The following GOLGA3 variants were observed in gnomAD, a reference collection of about 807,000 sequenced individuals.
GOLGA3 encodes the protein golgin subfamily A member 3.
GOLGA3 carries 75 observed loss-of-function variants against 169.4 expected under a neutral mutation model. The ratio of observed to expected loss-of-function variants is 0.44; its 90% confidence interval spans 0.37 to 0.54. GOLGA3 has a LOEUF of 0.54. Among genes scored for constraint, GOLGA3 ranks in the 20% least tolerant of loss-of-function variants. The probability of loss-of-function intolerance (pLI) is 0.00; values close to 1 mark genes in which losing one functional copy is unlikely to be tolerated. For synonymous variants in GOLGA3, 824 were observed against 822.4 expected, an observed-to-expected ratio of 1.00 and a Z score of -0.03; for missense variants, 1,899 against 1,930.0, an observed-to-expected ratio of 0.98 and a Z score of 0.30.
rs1950243210 is a variant in GOLGA3 at position 132,822,020 on chromosome 12, G to A, written c.109C>T (p.Pro37Ser). 1.9e-6 allele frequency: 3 copies of A among 1,609,172 alleles called. No homozygotes were observed. The highest frequency in any genetic ancestry group is 1.3e-5 in the African/African-American group (1 of 74,578). The part of the protein sequence containing the change: ...PLKPPGPLVP[P>S]DQQDKVQCAE... ...CACTGGACTTTGTCCTGCTGGTCAG[G>A]TGGCACCAGTGGGCCCGGGGGCTTC... The change falls in exon 2 of 24, where the codon CCT becomes TCT. Residue 37 changes from proline (P) to serine (S), a missense_variant. Pro to Ser is a moderately conservative substitution (Grantham distance 74). Coordinates refer to ENST00000450791, the MANE Select transcript of GOLGA3 (RefSeq NM_001389683.1).
chr12:132,825,480 T>A (rs951193849), intron 1 of GOLGA3, among the ~76,000 whole-genome samples: 11 of 152,234 alleles, frequency 7.2e-5, no homozygotes, highest in Non-Finnish European at 2.9e-5. Flanking sequence ...CCGAATTAAA[T>A]CTTCAGTTCT....
At chr12:132,802,002 G>A (rs768738775) in intron 7 of GOLGA3, 33 bp from the exon 8 acceptor site, 2 of 1,569,442 alleles carry the variant, frequency 1.3e-6, no homozygotes, top group Non-Finnish European at 1.7e-6. Flanking sequence ...GCTCAGGCCA[G>A]CGACGGCCAA....
intron 2 of GOLGA3, among the ~76,000 whole-genome samples, chr12:132,819,465 C>T (rs1950122594): frequency 6.6e-6 from 1 of 152,102 alleles, no homozygotes; most frequent in South Asian, 2.1e-4. Flanking sequence ...CGAAGTGGAG[C>T]TTGCAGTAAG....
Position 132,769,307 on chromosome 12 carries a change from T to G in GOLGA3, c.*3798A>C, listed in dbSNP as rs1333294622. ...CGGTTCTCTCAGATTTGCTGGTCCC[T>G]CCCCTCCTAGAATCTTCACGTACAA... On this transcript the variant is annotated 3_prime_UTR_variant, in exon 24 of 24. Coordinates refer to ENST00000450791, the MANE Select transcript of GOLGA3 (RefSeq NM_001389683.1). The G allele has an allele frequency of 1.3e-5, 2 of 152,228 alleles. No homozygotes were observed. Among genetic ancestry groups the G allele is most frequent in the Non-Finnish European group, 2.9e-5 (2 of 68,032 alleles). 9.4% of individuals were successfully genotyped at this position (152,228 alleles called of 1,614,324 possible).
chr12:132,813,534 A>G, intron 3 of GOLGA3, 115 bp from the exon 4 acceptor site: 1 of 579,488 alleles, frequency 1.7e-6, no homozygotes. Context: ...CACCTAAACA[A>G]TGCACAGCCA....
chr12:132,823,787 T>TA (rs55689193), intron 1 of GOLGA3, among the ~76,000 whole-genome samples: 29,368 of 129,744 alleles, frequency 0.23, 3,719 homozygotes, highest in Non-Finnish European at 0.32. Flanking sequence ...AAACTCCGTC[T>TA]AAAAAAAAAA....
chr12:132,803,279 G>A lies in GOLGA3; in HGVS notation c.1598-1310C>T, dbSNP rs1044514291. ...ACTCACGTACTCTGCTGCTCCACACGTGTCCATGAATACTGAGTTTGTGGT... is the reference window on the plus strand; with the variant it reads ...ACTCACGTACTCTGCTGCTCCACACATGTCCATGAATACTGAGTTTGTGGT... On this transcript the variant is annotated intron_variant, in intron 7 of 23. Coordinates refer to ENST00000450791, the MANE Select transcript of GOLGA3 (RefSeq NM_001389683.1). Among the ~76,000 whole-genome samples the A allele has an allele frequency of 2.6e-4, 39 of 152,214 alleles. 1 individual carries two copies. Among genetic ancestry groups the A allele is most frequent in the Admixed American group, 2.1e-3 (32 of 15,280 alleles).
In GOLGA3 at chr12:132,801,775, G is replaced by C. The variant is rs1444735919; in HGVS notation, c.1792C>G (p.His598Asp). ...ARVRLQGEMA[H>D]IQVGQMTQAG... ...GTAGATGTGGGCCGTACCTGGATGTGGGCCATCTCACCCTGCAGCCTGACG... is the reference window on the plus strand; with the variant it reads ...GTAGATGTGGGCCGTACCTGGATGTCGGCCATCTCACCCTGCAGCCTGACG... Residue 598 changes from histidine (H) to aspartate (D), a missense_variant, in exon 8 of 24, where the codon CAC becomes GAC. Physicochemically the swap from His to Asp is moderately conservative, Grantham distance 81. Coordinates refer to ENST00000450791, the MANE Select transcript of GOLGA3 (RefSeq NM_001389683.1). 3.1e-6 allele frequency: 5 copies of C among 1,611,896 alleles called. No individual in the cohort carries two copies. Among genetic ancestry groups the C allele is most frequent in the Non-Finnish European group, 4.2e-6 (5 of 1,179,768 alleles).
At position 132,777,926 on chromosome 12, in the gene GOLGA3, T is replaced by C; in HGVS notation, c.3583-121A>G. 1 of 1,072,644 alleles carries C rather than the reference T, an allele frequency of 9.3e-7. No homozygotes were observed. Among genetic ancestry groups the C allele is most frequent in the Non-Finnish European group, 1.3e-6 (1 of 754,272 alleles). The allele number at this position is 1,072,644 out of a possible 1,614,324, so 66.4% of individuals were successfully genotyped here. ...GCATGTCCTGGCTGCCGGCGTGTGC[T>C]TCTCCACAGGCCTGTCAAGTTCCTT... On this transcript the variant is annotated intron_variant, in intron 18 of 23. Coordinates refer to ENST00000450791, the MANE Select transcript of GOLGA3 (RefSeq NM_001389683.1). The surrounding 1 kb of genome is among the most constrained non-coding windows in gnomAD (Gnocchi z 4.7).
intron 23 of GOLGA3, 82 bp from the exon 24 acceptor site, chr12:132,773,376 T>C (rs748553141): frequency 1.1e-6 from 1 of 900,546 alleles, no homozygotes; most frequent in Non-Finnish European, 1.6e-6. Flanking sequence ...CGTCACTCGC[T>C]AGCACCTGAG....
At chr12:132,774,404 C>A in intron 22 of GOLGA3, 84 bp from the exon 23 acceptor site, 1 of 1,495,298 alleles carries the variant, frequency 6.7e-7, no homozygotes, top group South Asian at 1.1e-5. Flanking sequence ...GCAAACGGGC[C>A]TCCCCAACTG....
intron 17 of GOLGA3, among the ~76,000 whole-genome samples, chr12:132,781,133 A>C (rs1450717095): frequency 1.3e-5 from 2 of 152,168 alleles, no homozygotes; most frequent in Admixed American, 6.5e-5. Flanking sequence ...TGTGGGCCCC[A>C]CGGCTCCAGA....
intron 1 of GOLGA3, chr12:132,826,071 A>T (rs1950401631): frequency 9.9e-6 from 14 of 1,413,200 alleles, no homozygotes; most frequent in Non-Finnish European, 1.3e-5. Flanking sequence ...CAGATCGGTG[A>T]CATCGTCACA....
intron 1 of GOLGA3, chr12:132,826,083 T>G: frequency 6.9e-7 from 1 of 1,446,478 alleles, no homozygotes; most frequent in Non-Finnish European, 9.7e-7. Context: ...ATCGTCACAG[T>G]GGGCGAGTGC....
At chr12:132,819,197 G>A (rs752988598) in intron 2 of GOLGA3, among the ~76,000 whole-genome samples, 6 of 152,126 alleles carry the variant, frequency 3.9e-5, no homozygotes, top group Non-Finnish European at 7.4e-5. Flanking sequence ...CCACGTGCAT[G>A]CAGGACAGCA....
At chr12:132,774,611 C>T (rs1279821550) in intron 22 of GOLGA3, 6 of 488,730 alleles carry the variant, frequency 1.2e-5, no homozygotes, top group Admixed American at 3.7e-5. Context: ...CTCTCCCAGA[C>T]GCTTCTCCCA....
At position 132,777,836 on chromosome 12, in the gene GOLGA3, C is replaced by T; in HGVS notation, c.3583-31G>A. Reference sequence around the variant, plus strand: ...AGGAAGGAAGCCACGTTGTCCATGCCCTGCGTGACACCCACAGCTTTATGA... The same window carrying T: ...AGGAAGGAAGCCACGTTGTCCATGCTCTGCGTGACACCCACAGCTTTATGA... On this transcript the variant is annotated intron_variant, in intron 18 of 23. Coordinates refer to ENST00000450791, the MANE Select transcript of GOLGA3 (RefSeq NM_001389683.1). This position sits in a 1 kb window ranked among gnomAD's most constrained non-coding sequence, Gnocchi z 4.7. 6.2e-7 allele frequency: 1 copy of T among 1,610,944 alleles called. No homozygotes were observed.
Position 132,801,962 on chromosome 12 carries a change from G to A in GOLGA3, c.1605C>T (p.Asp535=). The change falls in exon 8 of 24, where the codon GAC becomes GAT. Residue 535 remains aspartate, a synonymous_variant. Transcript: ENST00000450791. The part of the protein sequence containing the change: ...SMLSKDNTVH[D]LRQQMTALQS... ...GCAAGGCTGTCATCTGCTGTCGCAG[G>A]TCGTGCACTGAAATGGGGCAAGCAC... 6.3e-7 allele frequency: 1 copy of A among 1,596,586 alleles called. No homozygotes were observed. Among genetic ancestry groups the A allele is most frequent in the Middle Eastern group, 1.7e-4 (1 of 5,964 alleles).
chr12:132,826,419 C>G (rs1046286624), intron 1 of GOLGA3, among the ~76,000 whole-genome samples: 2 of 151,958 alleles, frequency 1.3e-5, no homozygotes, highest in African/African-American at 4.8e-5. Context: ...CCCACAGTGA[C>G]GACGCCTGGG....
Sources: gnomAD v4.1 joint callset for allele counts (sites outside exome capture counted in the v4.1 genomes callset) on GRCh38, gnomAD v4.1.1 for gene constraint, Gnocchi (gnomAD v3.1) non-coding constraint, MANE v1.5 for transcripts, NCBI Gene and HGNC (gene_info 2026-07-23, HGNC 2026-07-21) for gene names.